Variants in FHIT observed in about 807,000 individuals in gnomAD.
The protein encoded by FHIT is fragile histidine triad diadenosine triphosphatase, also known as bis(5'-adenosyl)-triphosphatase.
FHIT carries 19 observed loss-of-function variants against 17.9 expected under a neutral mutation model. The observed-to-expected ratio is 1.06, with a 90% CI of 0.74 to 1.56. The LOEUF is 1.56. Ranked by LOEUF, FHIT falls within the 40% of genes most tolerant of loss-of-function variation. The pLI, the probability that FHIT is intolerant of heterozygous loss-of-function variation, is 0.00. For missense variants in FHIT, 248 were observed against 189.2 expected, an observed-to-expected ratio of 1.31 and a Z score of -1.82; for synonymous variants, 81 against 69.7, an observed-to-expected ratio of 1.16 and a Z score of -0.81.
At chr3:59,942,986 T>A (rs955072926) in intron 7 of FHIT, among the ~76,000 whole-genome samples, 3 of 152,160 alleles carry the variant, frequency 2.0e-5, no homozygotes, top group Non-Finnish European at 2.9e-5. Flanking sequence ...TTGTTCTGCC[T>A]GAGAGATTCT....
intron 3 of FHIT, among the ~76,000 whole-genome samples, chr3:60,866,280 GC>G (rs1412722335): frequency 6.6e-6 from 1 of 152,176 alleles, no homozygotes; most frequent in African/African-American, 2.4e-5. Flanking sequence ...GTGGAAGAGG[GC>G]TGACCTGTGT....
intron 4 of FHIT, among the ~76,000 whole-genome samples, chr3:60,768,318 C>T (rs1699920080): frequency 6.6e-6 from 1 of 152,176 alleles, no homozygotes; most frequent in Admixed American, 6.5e-5. Context: ...TAAGGCTTCT[C>T]AAACTTTTAC....
At chr3:60,874,008 C>G (rs1553755689) in intron 3 of FHIT, among the ~76,000 whole-genome samples, 2 of 152,058 alleles carry the variant, frequency 1.3e-5, no homozygotes, top group African/African-American at 4.8e-5. Context: ...ATTGTCCACT[C>G]TCCCCAACTA....
intron 3 of FHIT, among the ~76,000 whole-genome samples, chr3:60,919,267 C>A (rs1707158505): frequency 6.6e-6 from 1 of 152,226 alleles, no homozygotes; most frequent in South Asian, 2.1e-4. Flanking sequence ...TTCTTATTTT[C>A]AAGACAGCAA....
chr3:61,119,671 C>T (rs1261162158), intron 2 of FHIT, among the ~76,000 whole-genome samples: 1 of 152,142 alleles, frequency 6.6e-6, no homozygotes, highest in Non-Finnish European at 1.5e-5. Flanking sequence ...GATAACTGTC[C>T]TCACAAATGC....
intron 4 of FHIT, among the ~76,000 whole-genome samples, chr3:60,701,764 G>A (rs1336546833): frequency 1.3e-5 from 2 of 152,316 alleles, no homozygotes; most frequent in East Asian, 3.9e-4. Flanking sequence ...TAATCTTGTA[G>A]CTAGTGTGTT....
intron 7 of FHIT, among the ~76,000 whole-genome samples, chr3:59,999,985 G>C (rs1302535498): frequency 2.0e-5 from 3 of 152,140 alleles, no homozygotes; most frequent in Non-Finnish European, 4.4e-5. Context: ...ATGTCACCTA[G>C]TGTCCAGCTT....
At chr3:61,003,478 T>C (rs548696690) in intron 3 of FHIT, among the ~76,000 whole-genome samples, 2 of 152,360 alleles carry the variant, frequency 1.3e-5, no homozygotes, top group East Asian at 3.9e-4. Context: ...TTTAAAGAAT[T>C]CTGATGATTC....
chr3:59,775,265 G>C lies in FHIT; in HGVS notation c.349-22944C>G, dbSNP rs114263865. On this transcript the variant is annotated intron_variant, in intron 8 of 9. Transcript: ENST00000492590. ...TCAGAAGTGCCCTTTCTCCTACCAG[G>C]TTCAAACCACTGCAATGCTGGAGTG... is the stretch of plus-strand genomic sequence containing the variant. Among the ~76,000 whole-genome samples, 695 of 152,230 alleles carry C rather than the reference G, an allele frequency of 4.6e-3. 6 individuals are homozygous for C. Among genetic ancestry groups the C allele is most frequent in the African/African-American group, 0.016 (663 of 41,540 alleles).
chr3:60,908,632 C>A (rs1171962942), intron 3 of FHIT, among the ~76,000 whole-genome samples: 1 of 140,886 alleles, frequency 7.1e-6, no homozygotes, highest in African/African-American at 2.7e-5. Context: ...TAAAAGAAAG[C>A]GAGAAATGGA....
chr3:60,083,219 C>A (rs931035427), intron 5 of FHIT, among the ~76,000 whole-genome samples: 1 of 152,008 alleles, frequency 6.6e-6, no homozygotes, highest in Non-Finnish European at 1.5e-5. Context: ...ATAGGGTGTC[C>A]TTTTTCCATT....
chr3:60,706,805 A>G (rs2041384239), intron 4 of FHIT, among the ~76,000 whole-genome samples: 1 of 152,236 alleles, frequency 6.6e-6, no homozygotes, highest in Non-Finnish European at 1.5e-5. Context: ...AAATTCAACA[A>G]CATCAAAAAG....
chr3:60,254,245 A>G (rs1027918330), intron 5 of FHIT, among the ~76,000 whole-genome samples: 4 of 152,190 alleles, frequency 2.6e-5, no homozygotes, highest in African/African-American at 9.6e-5. Context: ...CTTGAGTGAA[A>G]TCATTTCCCT....
chr3:60,466,966 G>A (rs896815080), intron 5 of FHIT, among the ~76,000 whole-genome samples: 3 of 151,512 alleles, frequency 2.0e-5, no homozygotes, highest in African/African-American at 4.8e-5. Flanking sequence ...GGTTCTTTAC[G>A]CATTTGCTAA....
chr3:60,740,018 T>A (rs1369365750), intron 4 of FHIT, among the ~76,000 whole-genome samples: 1 of 152,174 alleles, frequency 6.6e-6, no homozygotes, highest in South Asian at 2.1e-4. Context: ...TAATAGAATA[T>A]CCTTCTATCT....
intron 4 of FHIT, among the ~76,000 whole-genome samples, chr3:60,550,421 T>C (rs2036507384): frequency 6.6e-6 from 1 of 152,114 alleles, no homozygotes; most frequent in African/African-American, 2.4e-5. Flanking sequence ...AACATTTTTA[T>C]ACAAAGAGAA....
At chr3:60,220,318 C>T (rs1386511068) in intron 5 of FHIT, among the ~76,000 whole-genome samples, 1 of 152,030 alleles carries the variant, frequency 6.6e-6, no homozygotes, top group African/African-American at 2.4e-5. Context: ...CTATCTACCT[C>T]CCTTCACTCA....
In FHIT at chr3:60,114,001, C is replaced by CAAAA. The variant is rs1559644017; in HGVS notation, c.104-99850_104-99849insTTTT. 5.6e-4 allele frequency among the ~76,000 whole-genome samples: 10 copies of CAAAA among 17,920 alleles called. 4 individuals are homozygous for CAAAA. Among genetic ancestry groups the CAAAA allele is most frequent in the African/African-American group, 4.6e-4 (1 of 2,164 alleles). 11.8% of individuals were successfully genotyped at this position (17,920 alleles called of 152,430 possible). A position where few individuals can be genotyped will look rare whatever the true frequency, so the allele number is the denominator to read the frequency against. ...TGGGCAATAGAACAAGACCCCGTCT[C>CAAAA]CAAAAAAAAAAAAAAAAAAAAAAAA... On this transcript the variant is annotated intron_variant, in intron 5 of 9. Transcript: ENST00000492590.
intron 7 of FHIT, among the ~76,000 whole-genome samples, chr3:59,948,998 G>A (rs1008821509): frequency 3.9e-5 from 6 of 152,126 alleles, no homozygotes; most frequent in African/African-American, 1.4e-4. Context: ...CCCAGGCAGT[G>A]AGCATAGGAC....
Sources: allele counts gnomAD v4.1 joint callset (sites outside exome capture counted in the v4.1 genomes callset), GRCh38; gene constraint gnomAD v4.1.1; transcripts MANE v1.5; gene names NCBI Gene and HGNC (gene_info 2026-07-23, HGNC 2026-07-21).